VCAN: variants seen among roughly 807,000 people sequenced by gnomAD.
VCAN encodes versican core protein.
VCAN carries 44 observed loss-of-function variants against 245.5 expected under a neutral mutation model. The ratio of observed to expected loss-of-function variants is 0.18; its 90% CI spans 0.14 to 0.23. The LOEUF (loss-of-function observed/expected upper bound fraction) is 0.23. Ranked by LOEUF, VCAN falls within the 10% of genes least tolerant of loss-of-function variation. The probability of loss-of-function intolerance (pLI) is 1.00; values close to 1 mark genes in which losing one functional copy is unlikely to be tolerated. For missense variants in VCAN, 3,793 were observed against 4,057.9 expected (o/e 0.93, Z 1.77); for synonymous variants, 1,413 against 1,437.0 (o/e 0.98, Z 0.38).
rs373949211 is a variant in VCAN, at chr5:83,473,144, C to T, written c.-7+1121C>T. On this transcript the variant is annotated intron_variant, in intron 1 of 14. Coordinates refer to ENST00000265077, the MANE Select transcript of VCAN (RefSeq NM_004385.5). Reference sequence around the variant, plus strand: ...CGGGGGACGTCCTCGGCTGGAGCGCCCCACCGTCCTGCAGAGGCGTGGGCG... The same window carrying T: ...CGGGGGACGTCCTCGGCTGGAGCGCTCCACCGTCCTGCAGAGGCGTGGGCG... 4.7e-3 allele frequency among the ~76,000 whole-genome samples: 712 copies of T among 152,262 alleles called. 11 individuals carry two copies. Among genetic ancestry groups the T allele is most frequent in the African/African-American group, 0.016 (680 of 41,566 alleles).
chr5:83,542,554 C>T (rs1258161386), intron 8 of VCAN, among the ~76,000 whole-genome samples: 1 of 151,984 alleles, frequency 6.6e-6, no homozygotes, highest in African/African-American at 2.4e-5. Context: ...TATAAAAATT[C>T]AATTTGTTTT....
rs761965287 is a variant in VCAN, at chr5:83,542,034, A to G, written c.9031A>G (p.Asn3011Asp). Reference sequence around the variant, plus strand: ...CACGCTTTCTTCTTCTCCAGAAATAAACCCTGAAACTCAAGCAGCTTTAAT... The same window carrying G: ...CACGCTTTCTTCTTCTCCAGAAATAGACCCTGAAACTCAAGCAGCTTTAAT... ...RPTLSSSPEINPETQAALIRG... is the reference protein window; with the variant it reads ...RPTLSSSPEIDPETQAALIRG... The change falls in exon 8 of 15, where the codon AAC becomes GAC. Residue 3011 changes from asparagine to aspartate, a missense_variant. Physicochemically the swap from Asn to Asp is conservative, Grantham distance 23 (BLOSUM62 1). Transcript: ENST00000265077. 12 of 1,610,254 alleles carry G rather than the reference A, an allele frequency of 7.5e-6. No homozygotes were observed. The highest frequency in any genetic ancestry group is 1.3e-5 in the African/African-American group (1 of 74,724).
In VCAN at chr5:83,540,001, T is replaced by C. The variant is rs748050782; in HGVS notation, c.6998T>C (p.Ile2333Thr). The C allele has an allele frequency of 1.2e-5, 19 of 1,614,006 alleles. No homozygotes were observed. The East Asian group carries it at 3.1e-4, about 27-fold the overall frequency. The change falls in exon 8 of 15, where the codon ATA becomes ACA. Residue 2333 changes from isoleucine to threonine, a missense_variant. By Grantham distance (89) the Ile-to-Thr change is moderately conservative. Transcript: ENST00000265077. ...GGGTCAGTAACCAGCACAACATTAA[T>C]AGAAATTTTAAGTGACACTGGAGCA... ...GSGSVTSTTLIEILSDTGAEG... is the reference protein window; with the variant it reads ...GSGSVTSTTLTEILSDTGAEG...
At chr5:83,473,009 G>A (rs943479435) in intron 1 of VCAN, among the ~76,000 whole-genome samples, 1 of 152,176 alleles carries the variant, frequency 6.6e-6, no homozygotes, top group Non-Finnish European at 1.5e-5. Flanking sequence ...CAGACTACAG[G>A]AGTCCTCCGT....
At chr5:83,544,428 A>G (rs184844246) in intron 8 of VCAN, among the ~76,000 whole-genome samples, 1 of 152,292 alleles carries the variant, frequency 6.6e-6, no homozygotes, top group Admixed American at 6.5e-5. Context: ...GGGAAGTCTC[A>G]GTTATCTTTT....
intron 7 of VCAN, among the ~76,000 whole-genome samples, chr5:83,532,418 C>T (rs1746557530): frequency 6.6e-6 from 1 of 152,040 alleles, no homozygotes; most frequent in Non-Finnish European, 1.5e-5. Context: ...TATACCCCAC[C>T]TCTCCCTGCT....
intron 12 of VCAN, among the ~76,000 whole-genome samples, chr5:83,558,846 ATTAC>A (rs1246491052): frequency 2.0e-5 from 3 of 152,196 alleles, no homozygotes; most frequent in Non-Finnish European, 2.9e-5. Context: ...TTTAAAATCT[ATTAC>A]TTTTTTTATT....
At chr5:83,493,518 T>A (rs754275722) in intron 3 of VCAN, 28 bp from the exon 4 acceptor site, 7 of 1,612,600 alleles carry the variant, frequency 4.3e-6, no homozygotes, top group Non-Finnish European at 5.9e-6. Context: ...TTGAACAGGC[T>A]GGCAATTGTT....
intron 3 of VCAN, among the ~76,000 whole-genome samples, chr5:83,491,244 G>A (rs1274136057): frequency 2.0e-5 from 3 of 152,136 alleles, no homozygotes; most frequent in East Asian, 1.9e-4. Flanking sequence ...CCTTGGAAGC[G>A]TAATATTTTG....
rs1462390478 is a variant in VCAN at position 83,520,093 on chromosome 5, A to T, written c.1787A>T (p.Asp596Val). ...GACACCATCCACACTCATTTAGAAG[A>T]CTTGGAGTCAGTCTCAGCATCCACA... ...SEDTIHTHLE[D>V]LESVSASTTV... is the part of the protein sequence containing the mutation. Residue 596 changes from aspartate to valine, a missense_variant, in exon 7 of 15, where the codon GAC (aspartate) becomes GTC (valine). Physicochemically the swap from Asp to Val is radical, Grantham distance 152 (BLOSUM62 -3). Around this residue, in one of 5 missense-constraint regions of VCAN, gnomAD observed 3,182 missense variants for 3,250.3 expected, o/e 0.98. Transcript: ENST00000265077. 3.1e-6 allele frequency: 5 copies of T among 1,614,038 alleles called. No individual in the cohort carries two copies. The highest frequency in any genetic ancestry group is 1.6e-4 in the Middle Eastern group (1 of 6,062).
chr5:83,489,629 G>A (rs994094836), intron 2 of VCAN, among the ~76,000 whole-genome samples: 46 of 152,168 alleles, frequency 3.0e-4, no homozygotes, highest in Middle Eastern at 3.4e-3. Context: ...TTTGAATTTT[G>A]TTTTCATTTC....
At chr5:83,504,419 G>T (rs1218986800) in intron 5 of VCAN, among the ~76,000 whole-genome samples, 3 of 139,198 alleles carry the variant, frequency 2.2e-5, no homozygotes, top group Admixed American at 1.5e-4. Context: ...GAGTCTCTCT[G>T]TTGCCCAGGC....
At chr5:83,505,880 G>T (rs1745467258) in intron 5 of VCAN, among the ~76,000 whole-genome samples, 1 of 152,194 alleles carries the variant, frequency 6.6e-6, no homozygotes, top group Non-Finnish European at 1.5e-5. Flanking sequence ...TGACTTCTGT[G>T]CACCCACAGG....
At position 83,543,962 on chromosome 5, in the gene VCAN, C is replaced by G. The variant is rs375813296; in HGVS notation, c.9266-1575C>G. On this transcript the variant is annotated intron_variant, in intron 8 of 14. Coordinates refer to ENST00000265077, the MANE Select transcript of VCAN (RefSeq NM_004385.5). ...GTTTCCTGTTAATTGGAACGACTTC[C>G]AGTTCACAGGAAGACTCACTCACTC... 2.6e-5 allele frequency among the ~76,000 whole-genome samples: 4 copies of G among 152,296 alleles called. No individual in the cohort carries two copies. The East Asian group carries it at 5.8e-4, about 22-fold the overall frequency.
chr5:83,480,559 GTTGATCATGTAT>G (rs1236622468), intron 1 of VCAN, among the ~76,000 whole-genome samples: 1 of 152,132 alleles, frequency 6.6e-6, no homozygotes, highest in Non-Finnish European at 1.5e-5. Context: ...AAATAGAGGC[GTTGATCATGTAT>G]TTGATCTACA....
chr5:83,484,273 C>T (rs902696913), intron 2 of VCAN, among the ~76,000 whole-genome samples: 1 of 152,128 alleles, frequency 6.6e-6, no homozygotes, highest in African/African-American at 2.4e-5. Context: ...AGATGAATTC[C>T]TTTTGCTAAA....
intron 12 of VCAN, chr5:83,562,330 G>T (rs1179449461): frequency 6.6e-6 from 1 of 152,032 alleles, no homozygotes; most frequent in Non-Finnish European, 1.5e-5. Flanking sequence ...AGTTTAATTT[G>T]ATTTGGAATC....
chr5:83,510,751 G>A (rs1745626843), intron 5 of VCAN, among the ~76,000 whole-genome samples: 2 of 152,194 alleles, frequency 1.3e-5, no homozygotes, highest in Non-Finnish European at 2.9e-5. Context: ...ATTGTAACAT[G>A]TTAAATGATA....
chr5:83,478,737 T>A (rs1744487475), intron 1 of VCAN, among the ~76,000 whole-genome samples: 2 of 152,204 alleles, frequency 1.3e-5, no homozygotes, highest in Non-Finnish European at 2.9e-5. Flanking sequence ...TTATGTAAAA[T>A]GGGTGTATAT....
Sources: gnomAD v4.1 joint callset for allele counts (sites outside exome capture counted in the v4.1 genomes callset) on GRCh38, gnomAD v4.1.1 for gene constraint, gnomAD v4.1.1 regional missense constraint, MANE v1.5 for transcripts, NCBI Gene and HGNC (gene_info 2026-07-23, HGNC 2026-07-21) for gene names.